The following SHISA9 variants were observed in gnomAD, a reference collection of about 807,000 sequenced individuals.
SHISA9 encodes the protein shisa family member 9.
A neutral mutation model predicts 38.0 loss-of-function variants in SHISA9; 13 were observed. The ratio of observed to expected loss-of-function variants is 0.34; its 90% CI spans 0.22 to 0.54. SHISA9 has a LOEUF of 0.54. SHISA9 is among the 20% of genes least tolerant of loss of function. The probability of loss-of-function intolerance (pLI) is 0.91; values close to 1 mark genes in which losing one functional copy is unlikely to be tolerated. For synonymous variants in SHISA9, 275 were observed against 242.0 expected (o/e 1.14, Z -1.27); for missense variants, 538 against 575.8 (o/e 0.93, Z 0.67).
chr16:13,081,920 T>A (rs1305243464), intron 2 of SHISA9, among the ~76,000 whole-genome samples: 1 of 151,830 alleles, frequency 6.6e-6, no homozygotes, highest in African/African-American at 2.4e-5. Flanking sequence ...TGTGTGGTAG[T>A]GATGGTGGTG....
chr16:13,353,309 G>A, the SHISA9 span, among the ~76,000 whole-genome samples: 1 of 152,154 alleles, frequency 6.6e-6, no homozygotes, highest in Non-Finnish European at 1.5e-5. Context: ...ATAAGAAGGA[G>A]AAAAACAGGT....
At chr16:13,256,986 C>G in the SHISA9 span, among the ~76,000 whole-genome samples, 1 of 152,168 alleles carries the variant, frequency 6.6e-6, no homozygotes. Context: ...TGATGTTCAT[C>G]TATGCCAACC....
At chr16:13,188,743 T>C (rs1596714536) in intron 2 of SHISA9, among the ~76,000 whole-genome samples, 1 of 128,704 alleles carries the variant, frequency 7.8e-6, no homozygotes, top group East Asian at 2.2e-4. Flanking sequence ...AAAAAAGGTA[T>C]GAGGAAAACA....
the SHISA9 span, among the ~76,000 whole-genome samples, chr16:13,288,120 A>T: frequency 2.6e-5 from 4 of 152,148 alleles, no homozygotes; most frequent in African/African-American, 9.7e-5. Context: ...TGATAATGAC[A>T]ATTGAAAATA....
chr16:13,264,922 C>T, the SHISA9 span, among the ~76,000 whole-genome samples: 2 of 151,600 alleles, frequency 1.3e-5, no homozygotes, highest in African/African-American at 4.8e-5. Context: ...CCTTTCTCCT[C>T]CCCTCCCTCG....
At chr16:13,417,312 C>T in the SHISA9 span, among the ~76,000 whole-genome samples, 7 of 151,940 alleles carry the variant, frequency 4.6e-5, no homozygotes, top group African/African-American at 1.7e-4. Context: ...AGTGGAGGCA[C>T]TTGATAGTGA....
At chr16:13,419,903 G>C in the SHISA9 span, among the ~76,000 whole-genome samples, 1 of 151,202 alleles carries the variant, frequency 6.6e-6, no homozygotes, top group Admixed American at 6.6e-5. Flanking sequence ...TCAATGTTTA[G>C]TGAAATCTAC....
At chr16:13,561,820 G>T in the SHISA9 span, among the ~76,000 whole-genome samples, 1 of 152,110 alleles carries the variant, frequency 6.6e-6, no homozygotes, top group Non-Finnish European at 1.5e-5. Flanking sequence ...CAGCAGAAAA[G>T]AGGTGCCAGA....
At chr16:13,472,038 A>G in the SHISA9 span, among the ~76,000 whole-genome samples, 1 of 152,172 alleles carries the variant, frequency 6.6e-6, no homozygotes, top group African/African-American at 2.4e-5. Flanking sequence ...AGCGTGTTCC[A>G]TTTTATGGGA....
chr16:13,465,023 A>G, the SHISA9 span, among the ~76,000 whole-genome samples: 1,724 of 152,336 alleles, frequency 0.011, 12 homozygotes, highest in Non-Finnish European at 0.018. Context: ...TTTACCAAAG[A>G]AAAGGCTACT....
chr16:13,389,862 C>T, the SHISA9 span, among the ~76,000 whole-genome samples: 1 of 152,236 alleles, frequency 6.6e-6, no homozygotes, highest in Non-Finnish European at 1.5e-5. Flanking sequence ...GGAATTCCTT[C>T]TGCCCCTAAA....
intron 4 of SHISA9, among the ~76,000 whole-genome samples, chr16:13,223,927 A>G (rs1390945546): frequency 6.6e-6 from 1 of 152,210 alleles, no homozygotes; most frequent in African/African-American, 2.4e-5. Flanking sequence ...ATTGAGTGTG[A>G]TGGCCATAAC....
chr16:13,071,307 C>T (rs1465835340), intron 2 of SHISA9, among the ~76,000 whole-genome samples: 1 of 152,148 alleles, frequency 6.6e-6, no homozygotes, highest in Non-Finnish European at 1.5e-5. Context: ...AATCAACTAG[C>T]AGGGTGGTTT....
the SHISA9 span, among the ~76,000 whole-genome samples, chr16:13,373,013 C>G: frequency 2.6e-5 from 4 of 152,068 alleles, no homozygotes; most frequent in Non-Finnish European, 5.9e-5. Context: ...ATCCTCAGAA[C>G]CAATTCTTGC....
intron 2 of SHISA9, among the ~76,000 whole-genome samples, chr16:13,199,644 T>C (rs2050984784): frequency 2.6e-5 from 4 of 152,214 alleles, no homozygotes; most frequent in Admixed American, 2.0e-4. Context: ...TAGGTTCAAA[T>C]TCACTTGACT....
intron 2 of SHISA9, among the ~76,000 whole-genome samples, chr16:13,114,722 C>G (rs2074014001): frequency 1.3e-5 from 2 of 152,024 alleles, no homozygotes; most frequent in Non-Finnish European, 1.5e-5. Context: ...TTTTCTTATG[C>G]TTAATTCCTA....
intron 2 of SHISA9, among the ~76,000 whole-genome samples, chr16:13,017,965 G>A (rs544375218): frequency 2.2e-4 from 34 of 152,278 alleles, no homozygotes; most frequent in African/African-American, 7.5e-4. Context: ...CTTCTCAAAG[G>A]AAATTTTTGG....
intron 2 of SHISA9, among the ~76,000 whole-genome samples, chr16:13,062,220 T>A (rs999517372): frequency 6.6e-6 from 1 of 151,852 alleles, no homozygotes; most frequent in African/African-American, 2.4e-5. Flanking sequence ...TTATCTGAAA[T>A]GCACATTTAA....
At chr16:13,059,891 G>A (rs1439286391) in intron 2 of SHISA9, among the ~76,000 whole-genome samples, 1 of 151,954 alleles carries the variant, frequency 6.6e-6, no homozygotes, top group African/African-American at 2.4e-5. Context: ...GCCTCCAAAG[G>A]GACCCACCCT....
Sources: allele counts gnomAD v4.1 joint callset (sites outside exome capture counted in the v4.1 genomes callset), GRCh38; gene constraint gnomAD v4.1.1; transcripts MANE v1.5; gene names NCBI Gene and HGNC (gene_info 2026-07-23, HGNC 2026-07-21).